GABRB3: variants seen among roughly 807,000 people sequenced by gnomAD.
The protein encoded by GABRB3 is gamma-aminobutyric acid receptor subunit beta-3.
Under a neutral mutation model 52.1 loss-of-function variants are expected in GABRB3, and 14 were observed. That is an observed-to-expected ratio of 0.27 (90% CI 0.18 to 0.42). GABRB3 has a LOEUF of 0.42. Ranked by LOEUF, GABRB3 falls within the 10% of genes least tolerant of loss-of-function variation. GABRB3 has a pLI of 1.00. For missense variants in GABRB3, 307 were observed against 609.1 expected, an observed-to-expected ratio of 0.50 and a Z score of 5.22; for synonymous variants, 260 against 232.3, an observed-to-expected ratio of 1.12 and a Z score of -1.08.
intron 3 of GABRB3, among the ~76,000 whole-genome samples, chr15:26,726,374 A>C (rs749567765): frequency 4.6e-5 from 7 of 152,242 alleles, no homozygotes; most frequent in Non-Finnish European, 1.5e-5. Flanking sequence ...AAACCAGGAC[A>C]TCAACAATGG....
At chr15:26,604,659 C>A (rs1176987307) in intron 4 of GABRB3, among the ~76,000 whole-genome samples, 1 of 152,042 alleles carries the variant, frequency 6.6e-6, no homozygotes, top group Non-Finnish European at 1.5e-5. Context: ...ATGATATACA[C>A]TGGAAAAGAG....
At position 26,640,552 on chromosome 15, in the gene GABRB3, T is replaced by C. The variant is rs140838116; in HGVS notation, c.241-19018A>G. Among the ~76,000 whole-genome samples, 291 of 152,272 alleles carry C rather than the reference T, an allele frequency of 1.9e-3. 7 individuals are homozygous for C. The East Asian group carries it at 0.038, about 20-fold the overall frequency. On this transcript the variant is annotated intron_variant, in intron 3 of 8. Coordinates refer to ENST00000311550, the MANE Select transcript of GABRB3 (RefSeq NM_000814.6). ...AGTAGCAAAAGGTCTCTATTCACCATGGCACTGGTTAAAGCATCAACTATC... is the reference window on the plus strand; with the variant it reads ...AGTAGCAAAAGGTCTCTATTCACCACGGCACTGGTTAAAGCATCAACTATC...
intron 3 of GABRB3, among the ~76,000 whole-genome samples, chr15:26,655,064 A>G (rs893446181): frequency 1.3e-5 from 2 of 152,206 alleles, no homozygotes; most frequent in African/African-American, 4.8e-5. Flanking sequence ...ATGTTTATAA[A>G]AAGTAAAGCA....
In GABRB3 at chr15:26,621,174, T is replaced by TC. The variant is rs397742574; in HGVS notation, c.461+139dup. On this transcript the variant is annotated intron_variant, in intron 4 of 8. Transcript: ENST00000311550. This position sits in a 1 kb window ranked among gnomAD's most constrained non-coding sequence, Gnocchi z 4.1. ...ATTTTATGGTTATGAGATTTTTTTT[T>TC]CTGCAAAGCTTTAGTGCTTCATAGA... 3 of 765,854 alleles carry TC rather than the reference T, an allele frequency of 3.9e-6. No homozygotes were observed. The highest frequency in any genetic ancestry group is 1.7e-5 in the African/African-American group (1 of 57,346). The allele number at this position is 765,854 out of a possible 1,614,324, so 47.4% of individuals were successfully genotyped here. A position where few individuals can be genotyped will look rare whatever the true frequency, so the allele number is the denominator to read the frequency against.
In GABRB3 at chr15:26,544,845, A is replaced by T. The variant is rs961416765; in HGVS notation, c.*2948T>A. 3.9e-5 allele frequency: 6 copies of T among 152,622 alleles called. No homozygotes were observed. Among genetic ancestry groups the T allele is most frequent in the Non-Finnish European group, 5.9e-5 (4 of 68,030 alleles). The allele number at this position is 152,622 out of a possible 1,614,324, so 9.5% of individuals were successfully genotyped here. A position where few individuals can be genotyped will look rare whatever the true frequency, so the allele number is the denominator to read the frequency against. ...AAGAAATCTCATTATATCCCCAATG[A>T]TAACGTTTCTGTCCTTACTCAAGAG... On this transcript the variant is annotated 3_prime_UTR_variant, in exon 9 of 9. Transcript: ENST00000311550.
chr15:26,642,691 A>G (rs1465625703), intron 3 of GABRB3, among the ~76,000 whole-genome samples: 1 of 150,838 alleles, frequency 6.6e-6, no homozygotes, highest in Non-Finnish European at 1.5e-5. Flanking sequence ...GCAGCAATAG[A>G]TAGCTGCACT....
intron 3 of GABRB3, among the ~76,000 whole-genome samples, chr15:26,731,753 T>C (rs1889920395): frequency 6.6e-6 from 1 of 152,236 alleles, no homozygotes; most frequent in Non-Finnish European, 1.5e-5. Flanking sequence ...ATAGCAGACA[T>C]GCACAGCAGA....
rs754147659 is a variant in GABRB3, at chr15:26,547,886, G to A, written c.1329C>T (p.Thr443=). 13 of 1,613,960 alleles carry A rather than the reference G, an allele frequency of 8.1e-6. No homozygotes were observed. Among genetic ancestry groups the A allele is most frequent in the South Asian group, 1.1e-5 (1 of 91,076 alleles). The part of the protein sequence containing the change: ...SQLKIKIPDL[T]DVNAIDRWSR... The stretch of plus-strand genomic sequence containing the variant: ...ACCATCTGTCTATGGCATTCACATC[G>A]GTTAGATCAGGTATTTTAATTTTGA... Residue 443 remains threonine (T), a synonymous_variant, in exon 9 of 9, where the codon ACC becomes ACT. Transcript: ENST00000311550.
At chr15:26,719,445 T>C (rs946763237) in intron 3 of GABRB3, among the ~76,000 whole-genome samples, 1 of 152,226 alleles carries the variant, frequency 6.6e-6, no homozygotes, top group African/African-American at 2.4e-5. Context: ...ATTCAAACAA[T>C]TGTCAATCGT....
At chr15:26,688,952 C>T (rs1187194425) in intron 3 of GABRB3, among the ~76,000 whole-genome samples, 1 of 152,180 alleles carries the variant, frequency 6.6e-6, no homozygotes, top group Non-Finnish European at 1.5e-5. Flanking sequence ...TTATGCAGAT[C>T]CTAAAGCAGG....
intron 3 of GABRB3, among the ~76,000 whole-genome samples, chr15:26,664,708 T>TTTG (rs1887654216): frequency 7.0e-6 from 1 of 142,694 alleles, no homozygotes; most frequent in South Asian, 2.3e-4. Context: ...TTCTTTGTTT[T>TTTG]TTTTTTTTTT....
At chr15:26,554,173 A>ACAT (rs1491240523) in intron 8 of GABRB3, among the ~76,000 whole-genome samples, 1 of 31,384 alleles carries the variant, frequency 3.2e-5, no homozygotes, top group African/African-American at 8.9e-5. Context: ...ATATATATAT[A>ACAT]AAGTATATAT....
At chr15:26,640,435 T>C (rs1893169763) in intron 3 of GABRB3, among the ~76,000 whole-genome samples, 1 of 152,034 alleles carries the variant, frequency 6.6e-6, no homozygotes, top group South Asian at 2.1e-4. Flanking sequence ...GAGAATGGCA[T>C]GAACCCGGGA....
chr15:26,773,329 G>T (rs1222250399), upstream of GABRB3, among the ~76,000 whole-genome samples: 11 of 150,828 alleles, frequency 7.3e-5, no homozygotes, highest in South Asian at 1.2e-3. Context: ...GAGTGCGGGG[G>T]CGACCTGGGC....
At chr15:26,642,455 A>G (rs1346139285) in intron 3 of GABRB3, 1 of 1,287,736 alleles carries the variant, frequency 7.8e-7, no homozygotes, top group Non-Finnish European at 1.0e-6. Flanking sequence ...AAACTCCTGG[A>G]AAGGAAAAAA....
At position 26,547,684 on chromosome 15, in the gene GABRB3, G is replaced by A. The variant is rs777286368; in HGVS notation, c.*109C>T. On this transcript the variant is annotated 3_prime_UTR_variant, in exon 9 of 9. Transcript: ENST00000311550. ...TATATACAATTGCGTATGTATATAT[G>A]TGTGTGTCTGCTTGTGTGTCTGTGT... 8 of 797,676 alleles carry A rather than the reference G, an allele frequency of 1.0e-5. No individual in the cohort carries two copies. Among genetic ancestry groups the A allele is most frequent in the Non-Finnish European group, 1.7e-5 (8 of 463,172 alleles). The allele number at this position is 797,676 out of a possible 1,614,324, so 49.4% of individuals were successfully genotyped here.
intron 3 of GABRB3, among the ~76,000 whole-genome samples, chr15:26,699,477 T>A (rs527691119): frequency 1.1e-4 from 17 of 150,336 alleles, no homozygotes; most frequent in Non-Finnish European, 2.1e-4. Flanking sequence ...AATACGGAAG[T>A]ACATCGGTGA....
upstream of GABRB3, among the ~76,000 whole-genome samples, chr15:26,773,487 T>A (rs1214189641): frequency 2.0e-5 from 3 of 151,562 alleles, no homozygotes; most frequent in African/African-American, 4.8e-5. Flanking sequence ...GCGGAAACGC[T>A]GCCCGCCTAC....
chr15:26,661,015 G>C (rs1167780191), intron 3 of GABRB3, among the ~76,000 whole-genome samples: 1 of 152,044 alleles, frequency 6.6e-6, no homozygotes. Flanking sequence ...TGAACTCCTG[G>C]ACTCAAGTGA....
Sources: allele counts gnomAD v4.1 joint callset (sites outside exome capture counted in the v4.1 genomes callset), GRCh38; gene constraint gnomAD v4.1.1; non-coding constraint Gnocchi (gnomAD v3.1); transcripts MANE v1.5; gene names NCBI Gene and HGNC (gene_info 2026-07-23, HGNC 2026-07-21).